The following CDC27 variants were observed in gnomAD, a reference collection of about 807,000 sequenced individuals.
The protein encoded by CDC27 is cell division cycle 27, also known as cell division cycle protein 27 homolog.
A neutral mutation model predicts 109.7 loss-of-function variants in CDC27; 27 were observed. The ratio of observed to expected loss-of-function variants is 0.25; its 90% CI spans 0.18 to 0.34. The LOEUF is 0.34. Ranked by LOEUF, CDC27 falls within the 10% of genes least tolerant of loss-of-function variation. The pLI is 1.00. For synonymous variants in CDC27, 266 were observed against 333.9 expected, an observed-to-expected ratio of 0.80 and a Z score of 2.22; for missense variants, 579 against 960.2, an observed-to-expected ratio of 0.60 and a Z score of 5.25.
intron 13 of CDC27, 36 bp downstream of exon 13, chr17:47,138,703 G>A (rs781165749): frequency 8.7e-6 from 13 of 1,497,356 alleles, no homozygotes; most frequent in Non-Finnish European, 1.1e-5. Flanking sequence ...TGATCAAAAA[G>A]GTAACTATAT....
At chr17:47,155,935 AGAGT>A (rs1172776046) in intron 7 of CDC27, among the ~76,000 whole-genome samples, 2 of 152,190 alleles carry the variant, frequency 1.3e-5, no homozygotes, top group African/African-American at 4.8e-5. Context: ...CCTGGGTGAC[AGAGT>A]GAGATCCTGT....
At chr17:47,140,102 A>C (rs534781567) in intron 12 of CDC27, 4 of 152,344 alleles carry the variant, frequency 2.6e-5, no homozygotes, top group Admixed American at 6.5e-5. Context: ...TGAGTGCTTA[A>C]TTCCAAGAAG....
chr17:47,127,506 G>A (rs909126903), intron 16 of CDC27, among the ~76,000 whole-genome samples: 2 of 151,538 alleles, frequency 1.3e-5, no homozygotes, highest in African/African-American at 4.9e-5. Flanking sequence ...AGTTTCAAGC[G>A]ATTCTCCTGC....
At chr17:47,173,165 G>A (rs1474051774) in intron 2 of CDC27, among the ~76,000 whole-genome samples, 1 of 152,158 alleles carries the variant, frequency 6.6e-6, no homozygotes. Flanking sequence ...ATCATTCTAA[G>A]AGTTTGGATA....
intron 1 of CDC27, among the ~76,000 whole-genome samples, chr17:47,182,764 TGGACA>T (rs2064293638): frequency 6.6e-6 from 1 of 152,210 alleles, no homozygotes; most frequent in Non-Finnish European, 1.5e-5. Context: ...TTACAGCATG[TGGACA>T]TTTGGGTTAT....
chr17:47,172,996 T>C (rs761909798), intron 2 of CDC27, among the ~76,000 whole-genome samples: 35 of 152,354 alleles, frequency 2.3e-4, no homozygotes, highest in Middle Eastern at 3.4e-3. Flanking sequence ...AAAATTTTTG[T>C]GTCCCATCTC....
chr17:47,158,197 C>T lies in CDC27; in HGVS notation c.475+9G>A. 3 of 1,390,666 alleles carry T rather than the reference C, an allele frequency of 2.2e-6. No homozygotes were observed. The highest frequency in any genetic ancestry group is 1.4e-5 in the South Asian group (1 of 71,646). 86.1% of individuals were successfully genotyped at this position (1,390,666 alleles called of 1,614,324 possible). ...GGAACCCACCCACCTCTCAACCCCA[C>T]CCACCTACCTATTTCACATAATGAT... On this transcript the variant is annotated intron_variant, in intron 5 of 18. Coordinates refer to ENST00000066544, the MANE Select transcript of CDC27 (RefSeq NM_001256.6).
In CDC27 at chr17:47,137,275, T is replaced by A. The variant is rs1598431751; in HGVS notation, c.1790A>T (p.Asp597Val). 1 of 1,612,050 alleles carries A rather than the reference T, an allele frequency of 6.2e-7. No homozygotes were observed. Among genetic ancestry groups the A allele is most frequent in the African/African-American group, 1.3e-5 (1 of 74,994 alleles). ...AGTATAGGCATAAGCGTAATTTGGA[T>A]CAACTTGGATAGCTCTCTGGAAGAA... ...IKFFQRAIQV[D>V]PNYAYAYTLL... The change falls in exon 14 of 19, where the codon GAT becomes GTT. Residue 597 changes from aspartate (D) to valine (V), a missense_variant. By Grantham distance (152) the Asp-to-Val change is radical (BLOSUM62 -3). Coordinates refer to ENST00000066544, the MANE Select transcript of CDC27 (RefSeq NM_001256.6).
chr17:47,122,353 T>C (rs948771146), intron 18 of CDC27, 91 bp downstream of exon 18: 20 of 911,844 alleles, frequency 2.2e-5, no homozygotes, highest in Non-Finnish European at 2.7e-5. Flanking sequence ...GAAAACACCA[T>C]GGTTAGAAAA....
At chr17:47,181,520 G>A (rs377237963) in intron 2 of CDC27, 42 bp downstream of exon 2, 204 of 1,060,500 alleles carry the variant, frequency 1.9e-4, no homozygotes, top group Non-Finnish European at 2.8e-4. Context: ...TTTCATATAT[G>A]TTATTCATTT....
At chr17:47,150,764 G>A (rs980177536) in intron 9 of CDC27, among the ~76,000 whole-genome samples, 2 of 152,210 alleles carry the variant, frequency 1.3e-5, no homozygotes, top group East Asian at 3.8e-4. Context: ...CAGGCACGGT[G>A]GCTCATGCCT....
At chr17:47,153,493 G>A (rs2063209252) in intron 8 of CDC27, among the ~76,000 whole-genome samples, 1 of 152,110 alleles carries the variant, frequency 6.6e-6, no homozygotes, top group South Asian at 2.1e-4. Flanking sequence ...ACTCACTAAG[G>A]AGTTATTATA....
At position 47,132,348 on chromosome 17, in the gene CDC27, T is replaced by C; in HGVS notation, c.1940A>G (p.Lys647Arg). ...AWYGLGMIYYKQEKFSLAEMH... is the reference protein window; with the variant it reads ...AWYGLGMIYYRQEKFSLAEMH... ...TTCTGCAAGGCTGAATTTTTCTTGC[T>C]TGTAATAAATCATTCCTAAACCATA... The change falls in exon 15 of 19, where the codon AAG (lysine) becomes AGG (arginine). Residue 647 changes from lysine to arginine, a missense_variant. By Grantham distance (26) the Lys-to-Arg change is conservative (BLOSUM62 2). Around this residue, in one of 9 missense-constraint regions of CDC27, gnomAD observed 227 missense variants for 363.6 expected, o/e 0.62. Coordinates refer to ENST00000066544, the MANE Select transcript of CDC27 (RefSeq NM_001256.6). 1 of 1,597,310 alleles carries C rather than the reference T, an allele frequency of 6.3e-7. No individual in the cohort carries two copies. Among genetic ancestry groups the C allele is most frequent in the Non-Finnish European group, 8.6e-7 (1 of 1,166,930 alleles).
chr17:47,148,728 G>C (rs1239978910), intron 9 of CDC27, among the ~76,000 whole-genome samples: 1 of 152,100 alleles, frequency 6.6e-6, no homozygotes, highest in African/African-American at 2.4e-5. Context: ...CAGATTTCTT[G>C]TCAGAAACAA....
intron 2 of CDC27, chr17:47,181,279 A>AAAC: frequency 6.3e-6 from 1 of 159,768 alleles, no homozygotes; most frequent in Non-Finnish European, 1.3e-5. Context: ...AAAAAAAAAA[A>AAAC]AAAAAAACCC....
At chr17:47,125,722 T>G (rs11570566) in intron 16 of CDC27, among the ~76,000 whole-genome samples, 21 of 151,710 alleles carry the variant, frequency 1.4e-4, no homozygotes, top group Admixed American at 3.3e-4. Context: ...TTTTGTATTT[T>G]TAGTAGAGAT....
At chr17:47,151,413 T>C (rs1480176853) in intron 9 of CDC27, among the ~76,000 whole-genome samples, 2 of 152,248 alleles carry the variant, frequency 1.3e-5, no homozygotes, top group Non-Finnish European at 1.5e-5. Context: ...TCTAACACCA[T>C]TTCTGTGTGG....
chr17:47,155,206 C>T (rs544887011), intron 7 of CDC27, among the ~76,000 whole-genome samples: 23 of 152,138 alleles, frequency 1.5e-4, no homozygotes, highest in African/African-American at 5.5e-4. Context: ...TTAGTAGTTC[C>T]CCGGCCTCAG....
chr17:47,182,710 C>A (rs1018665801), intron 1 of CDC27, among the ~76,000 whole-genome samples: 1 of 152,098 alleles, frequency 6.6e-6, no homozygotes, highest in Non-Finnish European at 1.5e-5. Context: ...AATAATATTT[C>A]CATTGTATAA....
Sources: allele counts gnomAD v4.1 joint callset (sites outside exome capture counted in the v4.1 genomes callset), GRCh38; gene constraint gnomAD v4.1.1; regional missense constraint gnomAD v4.1.1; transcripts MANE v1.5; gene names NCBI Gene and HGNC (gene_info 2026-07-23, HGNC 2026-07-21).